Variants in MTHFD2L observed in about 807,000 individuals in gnomAD.
MTHFD2L encodes the protein methylenetetrahydrofolate dehydrogenase (NADP+ dependent) 2 like.
A neutral mutation model predicts 34.9 loss-of-function variants in MTHFD2L; 29 were observed. That is an observed-to-expected ratio of 0.83 (90% confidence interval 0.62 to 1.13). MTHFD2L has a LOEUF of 1.13. Ranked by LOEUF, MTHFD2L falls within the 50% of genes most tolerant of loss-of-function variation. MTHFD2L has a pLI of 0.00. For missense variants in MTHFD2L, 481 were observed against 446.5 expected (o/e 1.08, Z -0.70); for synonymous variants, 167 against 155.7 (o/e 1.07, Z -0.54).
At chr4:74,178,141 TAGAC>T (rs533518993) in intron 3 of MTHFD2L, among the ~76,000 whole-genome samples, 1 of 151,984 alleles carries the variant, frequency 6.6e-6, no homozygotes, top group Non-Finnish European at 1.5e-5. Flanking sequence ...AAATTTTAGT[TAGAC>T]AGGAATAAGT....
intron 5 of MTHFD2L, among the ~76,000 whole-genome samples, chr4:74,216,381 A>G (rs1341718749): frequency 6.6e-6 from 1 of 151,784 alleles, no homozygotes; most frequent in Non-Finnish European, 1.5e-5. Flanking sequence ...AATCAGAATC[A>G]TTAGAAGTAG....
chr4:74,277,758 A>G (rs2110265421), intron 6 of MTHFD2L, among the ~76,000 whole-genome samples: 1 of 152,158 alleles, frequency 6.6e-6, no homozygotes, highest in South Asian at 2.1e-4. Flanking sequence ...TATTGAAGAA[A>G]CTACTATAGT....
At chr4:74,184,872 G>T (rs1730851301) in intron 3 of MTHFD2L, among the ~76,000 whole-genome samples, 1 of 152,044 alleles carries the variant, frequency 6.6e-6, no homozygotes, top group African/African-American at 2.4e-5. Context: ...CTGGAAGGCT[G>T]TGCACAGTGG....
chr4:74,228,014 T>G (rs1439812519), intron 6 of MTHFD2L, among the ~76,000 whole-genome samples: 1 of 152,168 alleles, frequency 6.6e-6, no homozygotes, highest in African/African-American at 2.4e-5. Flanking sequence ...GCAGGAACAG[T>G]AGTTGGCTCC....
chr4:74,244,598 T>G (rs965576640), intron 6 of MTHFD2L, among the ~76,000 whole-genome samples: 15 of 152,168 alleles, frequency 9.9e-5, no homozygotes, highest in African/African-American at 3.6e-4. Flanking sequence ...ATGTGGAATA[T>G]CCACAAAACT....
In MTHFD2L at chr4:74,302,551, C is replaced by T. The variant is rs1750441701; in HGVS notation, c.*742C>T. 6.6e-6 allele frequency: 1 copy of T among 152,012 alleles called. No individual in the cohort carries two copies. The highest frequency in any genetic ancestry group is 1.5e-5 in the Non-Finnish European group (1 of 67,978). 9.4% of individuals were successfully genotyped at this position (152,012 alleles called of 1,614,324 possible). A position where few individuals can be genotyped will look rare whatever the true frequency, so the allele number is the denominator to read the frequency against. On this transcript the variant is annotated 3_prime_UTR_variant, in exon 8 of 8. Transcript: ENST00000325278. The stretch of plus-strand genomic sequence containing the variant: ...ACATGAAGAATGTGTTAGGTTTAAA[C>T]GTCGTTTCTTTCTTCTAAAAAATAT...
At chr4:74,152,185 T>G (rs1165363546) in intron 1 of MTHFD2L, among the ~76,000 whole-genome samples, 3 of 152,066 alleles carry the variant, frequency 2.0e-5, no homozygotes, top group Non-Finnish European at 2.9e-5. Context: ...TTTTGTATTC[T>G]TTTAAATTGG....
At chr4:74,151,155 T>C (rs928147501) in intron 1 of MTHFD2L, among the ~76,000 whole-genome samples, 4 of 152,130 alleles carry the variant, frequency 2.6e-5, no homozygotes, top group African/African-American at 9.7e-5. Context: ...GGTGCACTTT[T>C]TATACAGTTA....
At chr4:74,276,985 A>G (rs866914629) in intron 6 of MTHFD2L, among the ~76,000 whole-genome samples, 9 of 152,200 alleles carry the variant, frequency 5.9e-5, no homozygotes, top group African/African-American at 1.7e-4. Context: ...ATTGAAAGGC[A>G]TAACTAATAC....
At chr4:74,233,884 T>A (rs1740459338) in intron 6 of MTHFD2L, among the ~76,000 whole-genome samples, 1 of 152,036 alleles carries the variant, frequency 6.6e-6, no homozygotes, top group Non-Finnish European at 1.5e-5. Context: ...ATGGTATTAG[T>A]ACATGGTTAG....
In MTHFD2L at chr4:74,158,225, A is replaced by C; in HGVS notation, c.87A>C (p.Val29=). Residue 29 remains valine (V), a synonymous_variant, in exon 1 of 8, where the codon GTA becomes GTC. Coordinates refer to ENST00000325278, the MANE Select transcript of MTHFD2L (RefSeq NM_001144978.3). ...PALGRSTAPS[V]RAPGEPGSAF... is the part of the protein sequence containing the mutation. ...TGGGCAGAAGCACAGCACCCTCCGT[A>C]AGGGCACCGGGAGAGCCCGGGAGTG... 1 of 1,506,790 alleles carries C rather than the reference A, an allele frequency of 6.6e-7. No homozygotes were observed. Among genetic ancestry groups the C allele is most frequent in the Non-Finnish European group, 8.9e-7 (1 of 1,128,310 alleles). 93.3% of individuals were successfully genotyped at this position (1,506,790 alleles called of 1,614,324 possible). A position where few individuals can be genotyped will look rare whatever the true frequency, so the allele number is the denominator to read the frequency against.
intron 6 of MTHFD2L, among the ~76,000 whole-genome samples, chr4:74,266,444 A>G (rs1224867317): frequency 6.6e-6 from 1 of 152,134 alleles, no homozygotes; most frequent in Non-Finnish European, 1.5e-5. Flanking sequence ...CCTTCCATCT[A>G]TTTAATTATT....
intron 1 of MTHFD2L, among the ~76,000 whole-genome samples, chr4:74,167,147 A>G (rs1163424738): frequency 6.6e-6 from 1 of 152,218 alleles, no homozygotes; most frequent in African/African-American, 2.4e-5. Context: ...GCACCGGATT[A>G]GCCCCCTGTG....
chr4:74,163,740 T>A (rs1161223419), intron 1 of MTHFD2L, among the ~76,000 whole-genome samples: 6 of 152,172 alleles, frequency 3.9e-5, no homozygotes, highest in Admixed American at 3.9e-4. Flanking sequence ...TTTGGGGGGT[T>A]TCATTTCTAT....
chr4:74,147,016 A>G (rs1723633003), intron 1 of MTHFD2L, among the ~76,000 whole-genome samples: 1 of 151,998 alleles, frequency 6.6e-6, no homozygotes, highest in African/African-American at 2.4e-5. Flanking sequence ...ATTTTCTTTA[A>G]TACATTTCTG....
intron 3 of MTHFD2L, among the ~76,000 whole-genome samples, chr4:74,192,445 A>T (rs1174458953): frequency 1.3e-5 from 2 of 152,182 alleles, no homozygotes; most frequent in Non-Finnish European, 2.9e-5. Context: ...AGAACACTTA[A>T]TATACCCCTA....
At chr4:74,286,268 T>C (rs906530598) in intron 7 of MTHFD2L, among the ~76,000 whole-genome samples, 12 of 152,304 alleles carry the variant, frequency 7.9e-5, no homozygotes, top group African/African-American at 2.9e-4. Flanking sequence ...ATTTTGCATG[T>C]CTAAGAATTA....
intron 7 of MTHFD2L, among the ~76,000 whole-genome samples, chr4:74,301,464 G>T (rs375911276): frequency 1.3e-5 from 2 of 151,532 alleles, no homozygotes; most frequent in Non-Finnish European, 2.9e-5. Context: ...CCTAGGTGTC[G>T]GTCCATTTTG....
chr4:74,135,663 G>A (rs1722853862), intron 1 of MTHFD2L, among the ~76,000 whole-genome samples: 1 of 149,202 alleles, frequency 6.7e-6, no homozygotes. Flanking sequence ...CAAGGCCAGT[G>A]TTACTGTGAT....
Sources: allele counts gnomAD v4.1 joint callset (sites outside exome capture counted in the v4.1 genomes callset), GRCh38; gene constraint gnomAD v4.1.1; transcripts MANE v1.5; gene names NCBI Gene and HGNC (gene_info 2026-07-23, HGNC 2026-07-21).